INPP4B: variants seen among roughly 807,000 people sequenced by gnomAD.
The protein encoded by INPP4B is inositol polyphosphate-4-phosphatase type II B.
In INPP4B, 55 loss-of-function variants were observed where a neutral mutation model predicts 122.5. The ratio of observed to expected loss-of-function variants is 0.45; its 90% CI spans 0.36 to 0.56. The LOEUF (loss-of-function observed/expected upper bound fraction) is 0.56, where lower values mean the gene tolerates loss of function less well. INPP4B is among the 20% of genes least tolerant of loss of function. INPP4B has a pLI of 0.00. For missense variants in INPP4B, 1,000 were observed against 1,097.7 expected (o/e 0.91, Z 1.26); for synonymous variants, 403 against 388.7 (o/e 1.04, Z -0.43).
chr4:142,680,325 C>T (rs910064988), intron 2 of INPP4B, among the ~76,000 whole-genome samples: 2 of 151,914 alleles, frequency 1.3e-5, no homozygotes, highest in Admixed American at 6.6e-5. Flanking sequence ...TTACCTACAC[C>T]GTGCCAAATC....
chr4:142,515,090 C>G (rs1825250662), intron 2 of INPP4B, among the ~76,000 whole-genome samples: 1 of 152,134 alleles, frequency 6.6e-6, no homozygotes, highest in Non-Finnish European at 1.5e-5. Context: ...GCCACCATGC[C>G]TGGCCTTGAG....
intron 1 of INPP4B, among the ~76,000 whole-genome samples, chr4:142,835,012 A>G (rs546974081): frequency 6.6e-6 from 1 of 152,358 alleles, no homozygotes; most frequent in Admixed American, 6.5e-5. Context: ...TGAAAAGGAA[A>G]GTGGATGTTA....
chr4:142,463,398 G>A (rs1218882960), intron 2 of INPP4B, among the ~76,000 whole-genome samples: 4 of 152,110 alleles, frequency 2.6e-5, no homozygotes, highest in African/African-American at 9.7e-5. Context: ...CACACTTCAT[G>A]GGTTATACAT....
At chr4:142,123,473 T>C in intron 19 of INPP4B, 58 bp from the exon 20 acceptor site, 1 of 1,559,460 alleles carries the variant, frequency 6.4e-7, no homozygotes, top group Non-Finnish European at 8.7e-7. Flanking sequence ...TGTTTTATTT[T>C]GAAATATTTT....
chr4:142,529,719 A>G (rs541580636), intron 2 of INPP4B, among the ~76,000 whole-genome samples: 3 of 152,114 alleles, frequency 2.0e-5, no homozygotes, highest in African/African-American at 7.2e-5. Flanking sequence ...TTTGAGAACT[A>G]CTGGTTTAAA....
At chr4:142,281,945 T>A (rs1034674444) in intron 9 of INPP4B, among the ~76,000 whole-genome samples, 4 of 152,094 alleles carry the variant, frequency 2.6e-5, no homozygotes, top group Non-Finnish European at 5.9e-5. Context: ...AATACTAATT[T>A]ACAAATATTT....
chr4:142,432,743 T>C (rs1384195330), intron 3 of INPP4B, among the ~76,000 whole-genome samples: 2 of 152,156 alleles, frequency 1.3e-5, no homozygotes, highest in Non-Finnish European at 2.9e-5. Flanking sequence ...ATGAGGACTA[T>C]ATAATTTGTT....
chr4:142,670,183 T>G (rs1045323601), intron 2 of INPP4B, among the ~76,000 whole-genome samples: 1 of 152,128 alleles, frequency 6.6e-6, no homozygotes, highest in South Asian at 2.1e-4. Context: ...TGTGTAGGGT[T>G]TGGTGCTATT....
Position 142,123,399 on chromosome 4 carries a change from C to T in INPP4B, c.1910G>A (p.Cys637Tyr). The T allele has an allele frequency of 4.3e-6, 7 of 1,610,464 alleles. No individual in the cohort carries two copies. Among genetic ancestry groups the T allele is most frequent in the East Asian group, 2.2e-5 (1 of 44,792 alleles). The change falls in exon 20 of 26, where the codon TGT (cysteine) becomes TAT (tyrosine). Residue 637 changes from cysteine (C) to tyrosine (Y), a missense_variant. By Grantham distance (194) the Cys-to-Tyr change is radical. Coordinates refer to ENST00000262992, the MANE Select transcript of INPP4B (RefSeq NM_001101669.3). ...TGTCTGTAATTTGATGATAAAACCA[C>T]AAACCAATCCAGCAAGCTGAAAAAA... ...VFSQALAGLV[C>Y]GFIIKLQTSL... is the part of the protein sequence containing the mutation.
chr4:142,209,832 T>C, intron 12 of INPP4B, among the ~76,000 whole-genome samples: 1 of 77,212 alleles, frequency 1.3e-5, no homozygotes. Flanking sequence ...AGATAATAAA[T>C]AAATGGTATT....
intron 25 of INPP4B, among the ~76,000 whole-genome samples, chr4:142,043,266 T>C (rs1749279675): frequency 6.6e-6 from 1 of 152,214 alleles, no homozygotes; most frequent in Non-Finnish European, 1.5e-5. Context: ...GAGAATAAGA[T>C]ACATTTAAGA....
intron 2 of INPP4B, among the ~76,000 whole-genome samples, chr4:142,476,552 T>A (rs916678934): frequency 1.3e-5 from 2 of 152,196 alleles, no homozygotes; most frequent in Non-Finnish European, 2.9e-5. Context: ...GACCCAACTG[T>A]GCTGTCTACA....
rs141938312 is a variant in INPP4B at position 142,379,936 on chromosome 4, G to A, written c.372+23002C>T. 5.4e-3 allele frequency among the ~76,000 whole-genome samples: 817 copies of A among 152,330 alleles called. 6 individuals are homozygous for A. The highest frequency in any genetic ancestry group is 0.018 in the African/African-American group (762 of 41,584). On this transcript the variant is annotated intron_variant, in intron 7 of 25. Coordinates refer to ENST00000262992, the MANE Select transcript of INPP4B (RefSeq NM_001101669.3). Reference sequence around the variant, plus strand: ...ACCAGGTAGAGCTGGCCAGCCAGGTGCTGGAGGCCTAAGCCACTAGGCAAA... The same window carrying A: ...ACCAGGTAGAGCTGGCCAGCCAGGTACTGGAGGCCTAAGCCACTAGGCAAA...
intron 5 of INPP4B, chr4:142,427,070 G>A (rs569485873): frequency 9.6e-4 from 147 of 152,794 alleles, no homozygotes; most frequent in Non-Finnish European, 1.5e-3. Context: ...AGGTGACGTC[G>A]GAGGATTTGT....
At position 142,738,614 on chromosome 4, in the gene INPP4B, C is replaced by A. The variant is rs915991594; in HGVS notation, c.-253-12713G>T. On this transcript the variant is annotated intron_variant, in intron 1 of 25. Transcript: ENST00000262992. The stretch of plus-strand genomic sequence containing the variant: ...CCTAAAACTTAAAGTATAATAAAAA[C>A]AAAAAAAAAGAAGCTTCTCTTCTTA... 1.7e-3 allele frequency among the ~76,000 whole-genome samples: 250 copies of A among 150,498 alleles called. 3 individuals are homozygous for A. The highest frequency in any genetic ancestry group is 0.014 in the Admixed American group (212 of 15,112).
chr4:142,332,544 A>T (rs1774934819), intron 7 of INPP4B, among the ~76,000 whole-genome samples: 1 of 152,180 alleles, frequency 6.6e-6, no homozygotes, highest in Non-Finnish European at 1.5e-5. Context: ...TGCTTAAAAA[A>T]GGAAAAGGGG....
intron 14 of INPP4B, among the ~76,000 whole-genome samples, chr4:142,199,949 C>T (rs930461263): frequency 6.6e-6 from 1 of 151,976 alleles, no homozygotes; most frequent in Non-Finnish European, 1.5e-5. Context: ...TGCAAATATC[C>T]TTTTTCTGCT....
intron 10 of INPP4B, 88 bp from the exon 11 acceptor site, chr4:142,260,652 T>C: frequency 2.4e-6 from 2 of 839,416 alleles, no homozygotes; most frequent in Non-Finnish European, 1.9e-6. Flanking sequence ...CATAAGGCTA[T>C]GTACATGGTT....
chr4:142,380,488 T>G (rs1398499922), intron 7 of INPP4B, among the ~76,000 whole-genome samples: 1 of 152,104 alleles, frequency 6.6e-6, no homozygotes, highest in Non-Finnish European at 1.5e-5. Flanking sequence ...ACTGTGGCAA[T>G]CCTGATGTAT....
Sources: allele counts gnomAD v4.1 joint callset (sites outside exome capture counted in the v4.1 genomes callset), GRCh38; gene constraint gnomAD v4.1.1; transcripts MANE v1.5; gene names NCBI Gene and HGNC (gene_info 2026-07-23, HGNC 2026-07-21).